The following FNIP1 variants were observed in gnomAD, a reference collection of about 807,000 sequenced individuals.
The protein encoded by FNIP1 is folliculin interacting protein 1.
Under a neutral mutation model 124.5 loss-of-function variants are expected in FNIP1, and 40 were observed. That is an observed-to-expected ratio of 0.32 (90% confidence interval 0.25 to 0.42). FNIP1 has a LOEUF of 0.42. Ranked by LOEUF, FNIP1 falls within the 10% of genes least tolerant of loss-of-function variation. FNIP1 has a pLI of 1.00. For missense variants in FNIP1, 1,176 were observed against 1,403.7 expected (o/e 0.84, Z 2.59); for synonymous variants, 472 against 470.6 (o/e 1.00, Z -0.04).
intron 11 of FNIP1, among the ~76,000 whole-genome samples, chr5:131,696,800 C>A (rs1256132483): frequency 6.6e-6 from 1 of 151,960 alleles, no homozygotes; most frequent in African/African-American, 2.4e-5. Flanking sequence ...CTACATTTCC[C>A]CTAACCACTG....
intron 16 of FNIP1, among the ~76,000 whole-genome samples, chr5:131,651,337 G>A (rs1443257029): frequency 1.3e-5 from 2 of 152,224 alleles, no homozygotes; most frequent in Non-Finnish European, 2.9e-5. Flanking sequence ...AGGCTGCAGT[G>A]AGCCAAGACT....
At chr5:131,714,543 G>T (rs895666339) in intron 6 of FNIP1, among the ~76,000 whole-genome samples, 1 of 152,114 alleles carries the variant, frequency 6.6e-6, no homozygotes, top group African/African-American at 2.4e-5. Context: ...TCTAGCTTTT[G>T]CTCCATTCTT....
At chr5:131,670,395 C>A in intron 15 of FNIP1, 68 bp downstream of exon 15, 1 of 1,362,394 alleles carries the variant, frequency 7.3e-7, no homozygotes, top group South Asian at 1.8e-5. Context: ...AAATATAAGG[C>A]AATTTTGGGT....
chr5:131,672,742 C>A lies in FNIP1; in HGVS notation c.1702G>T (p.Val568Leu). The change falls in exon 14 of 18, where the codon GTA becomes TTA. Residue 568 changes from valine (V) to leucine (L), a missense_variant. Physicochemically the swap from Val to Leu is conservative, Grantham distance 32. Around this residue, in one of 2 missense-constraint regions of FNIP1, gnomAD observed 1,109 missense variants for 1,288.5 expected, o/e 0.86. Transcript: ENST00000510461. ...EDEAIVMPGT[V>L]ITTTLEKGEI... ...CCTTTCTCTAAAGTGGTAGTAATTA[C>A]TGTGCCTGGCATAACGATGGCTTCA... is the stretch of plus-strand genomic sequence containing the variant. 6.2e-7 allele frequency: 1 copy of A among 1,613,588 alleles called. No homozygotes were observed. The highest frequency in any genetic ancestry group is 8.5e-7 in the Non-Finnish European group (1 of 1,179,742).
chr5:131,701,034 C>T (rs1056532269), intron 10 of FNIP1, among the ~76,000 whole-genome samples: 3 of 152,178 alleles, frequency 2.0e-5, no homozygotes, highest in African/African-American at 7.2e-5. Flanking sequence ...CCGTCAGTGG[C>T]CTGTCAGGAA....
chr5:131,677,698 C>T lies in FNIP1; in HGVS notation c.1519+5G>A. On this transcript the variant is annotated splice_donor_5th_base_variant and intron_variant, in intron 13 of 17. Transcript: ENST00000510461. Reference sequence around the variant, plus strand: ...ACATAGTGTAACAGTTGTCAGATTACATACCCAGTTGTGCCCAAAGTGGGT... The same window carrying T: ...ACATAGTGTAACAGTTGTCAGATTATATACCCAGTTGTGCCCAAAGTGGGT... The T allele has an allele frequency of 6.2e-7, 1 of 1,611,128 alleles. No homozygotes were observed. The highest frequency in any genetic ancestry group is 8.5e-7 in the Non-Finnish European group (1 of 1,177,772).
At chr5:131,667,416 A>G (rs1348178264) in intron 15 of FNIP1, among the ~76,000 whole-genome samples, 2 of 152,132 alleles carry the variant, frequency 1.3e-5, no homozygotes, top group Admixed American at 1.3e-4. Flanking sequence ...ATTTGCCATA[A>G]TTTCTCTACT....
At chr5:131,763,744 A>T (rs897849895) in intron 1 of FNIP1, among the ~76,000 whole-genome samples, 5 of 152,196 alleles carry the variant, frequency 3.3e-5, no homozygotes, top group Non-Finnish European at 5.9e-5. Context: ...TTAAGCTAAA[A>T]ACAAAATGTT....
At chr5:131,671,459 T>C (rs762574931) in intron 14 of FNIP1, 46 bp downstream of exon 14, 2 of 1,401,188 alleles carry the variant, frequency 1.4e-6, no homozygotes, top group East Asian at 2.3e-5. Flanking sequence ...AAGAGAATGG[T>C]ACATATTTAT....
chr5:131,704,252 C>T lies in FNIP1; in HGVS notation c.929G>A (p.Ser310Asn). The change falls in exon 10 of 18, where the codon AGC (serine) becomes AAC (asparagine). Residue 310 changes from serine (S) to asparagine (N), a missense_variant. By Grantham distance (46) the Ser-to-Asn change is conservative. Coordinates refer to ENST00000510461, the MANE Select transcript of FNIP1 (RefSeq NM_133372.3). Reference sequence around the variant, plus strand: ...ACAGCTTTCATCTGAGAGATTAAAGCTTTCTTCTATAGACCTTAAAAATAA... The same window carrying T: ...ACAGCTTTCATCTGAGAGATTAAAGTTTTCTTCTATAGACCTTAAAAATAA... ...GVFPRWSIEESFNLSDESCGP... is the reference protein window; with the variant it reads ...GVFPRWSIEENFNLSDESCGP... The T allele has an allele frequency of 6.2e-7, 1 of 1,610,766 alleles. No homozygotes were observed. Among genetic ancestry groups the T allele is most frequent in the Non-Finnish European group, 8.5e-7 (1 of 1,178,210 alleles).
At chr5:131,731,155 TAATA>T in intron 2 of FNIP1, 117 bp from the exon 3 acceptor site, 1 of 847,382 alleles carries the variant, frequency 1.2e-6, no homozygotes, top group Non-Finnish European at 1.8e-6. Context: ...AATACAACAT[TAATA>T]TGGCTATTGG....
intron 1 of FNIP1, among the ~76,000 whole-genome samples, chr5:131,787,080 A>G (rs146487539): frequency 4.9e-4 from 75 of 152,268 alleles, no homozygotes; most frequent in African/African-American, 1.8e-3. Flanking sequence ...TGACCTCACT[A>G]CTAGCTCCAG....
At chr5:131,662,315 A>G (rs886210685) in intron 15 of FNIP1, among the ~76,000 whole-genome samples, 1 of 152,226 alleles carries the variant, frequency 6.6e-6, no homozygotes, top group Non-Finnish European at 1.5e-5. Flanking sequence ...AAAGGAAAAA[A>G]AAAACTGGAA....
At position 131,695,297 on chromosome 5, in the gene FNIP1, A is replaced by G. The variant is rs182237180; in HGVS notation, c.1202+3620T>C. Among the ~76,000 whole-genome samples the G allele has an allele frequency of 1.1e-3, 167 of 152,358 alleles. 4 individuals carry two copies. Among genetic ancestry groups the G allele is most frequent in the Admixed American group, 1.0e-2 (153 of 15,304 alleles). On this transcript the variant is annotated intron_variant, in intron 11 of 17. Coordinates refer to ENST00000510461, the MANE Select transcript of FNIP1 (RefSeq NM_133372.3). ...GGCACGTGCGTGCATAAACTCATGC[A>G]TCAAACTGGAAAAATAAAGCTATAT...
intron 11 of FNIP1, among the ~76,000 whole-genome samples, chr5:131,694,913 T>C (rs1327343657): frequency 6.6e-6 from 1 of 152,102 alleles, no homozygotes; most frequent in Non-Finnish European, 1.5e-5. Flanking sequence ...GACACCAGTC[T>C]GGCCAACATA....
At chr5:131,655,241 G>A (rs1767157277) in intron 15 of FNIP1, among the ~76,000 whole-genome samples, 1 of 152,136 alleles carries the variant, frequency 6.6e-6, no homozygotes, top group Non-Finnish European at 1.5e-5. Context: ...CCACAGTAGT[G>A]TGCATTTGTA....
Position 131,672,648 on chromosome 5 carries a change from T to C in FNIP1, c.1796A>G (p.Glu599Gly), listed in dbSNP as rs1767798364. The C allele has an allele frequency of 6.2e-7, 1 of 1,614,220 alleles. No homozygotes were observed. Among genetic ancestry groups the C allele is most frequent in the Non-Finnish European group, 8.5e-7 (1 of 1,180,026 alleles). The change falls in exon 14 of 18, where the codon GAG becomes GGG. Residue 599 changes from glutamate (E) to glycine (G), a missense_variant. Around this residue, in one of 2 missense-constraint regions of FNIP1, gnomAD observed 1,109 missense variants for 1,288.5 expected, o/e 0.86. Coordinates refer to ENST00000510461, the MANE Select transcript of FNIP1 (RefSeq NM_133372.3). ...HRNKSSLLFK[E>G]SEEIRTPNCN... ...ATTGGGAGTTCTAATTTCTTCTGAC[T>C]CTTTAAAGAGCAAACTGCTTTTGTT...
chr5:131,651,617 C>A (rs1419869517), intron 16 of FNIP1, among the ~76,000 whole-genome samples, 185 bp downstream of exon 16: 1 of 152,136 alleles, frequency 6.6e-6, no homozygotes, highest in Non-Finnish European at 1.5e-5. Flanking sequence ...AAGATCTAAT[C>A]TTACCTTAGA....
intron 8 of FNIP1, among the ~76,000 whole-genome samples, chr5:131,708,320 T>C (rs1293433563): frequency 6.6e-6 from 1 of 152,214 alleles, no homozygotes. Context: ...ACAATTTCGA[T>C]AGCAGAGCCA....
Sources: allele counts gnomAD v4.1 joint callset (sites outside exome capture counted in the v4.1 genomes callset), GRCh38; gene constraint gnomAD v4.1.1; regional missense constraint gnomAD v4.1.1; transcripts MANE v1.5; gene names NCBI Gene and HGNC (gene_info 2026-07-23, HGNC 2026-07-21).